NHSL2: variants seen among roughly 807,000 people sequenced by gnomAD.
NHSL2 encodes NHS like 2.
In NHSL2, 27 loss-of-function variants were observed where a neutral mutation model predicts 53.4. That is an observed-to-expected ratio of 0.51 (90% CI 0.37 to 0.70). The LOEUF (loss-of-function observed/expected upper bound fraction) is 0.70. NHSL2 is among the 30% of genes least tolerant of loss of function. The probability of loss-of-function intolerance (pLI) is 0.00; values close to 1 mark genes in which losing one functional copy is unlikely to be tolerated. For synonymous variants in NHSL2, 408 were observed against 404.1 expected, an observed-to-expected ratio of 1.01 and a Z score of -0.12; for missense variants, 892 against 980.1, an observed-to-expected ratio of 0.91 and a Z score of 1.20.
chrX:72,003,764 A>G (rs1360027781), intron 1 of NHSL2, among the ~76,000 whole-genome samples: 1 of 111,778 alleles, frequency 8.9e-6, no homozygotes, highest in African/African-American at 3.3e-5. Context: ...CGGGCCTGAC[A>G]GACCCTATGC....
rs751212612 is a variant in NHSL2, at chrX:72,149,135, C to T, written c.*5561C>T. 1 of 109,412 alleles carries T rather than the reference C, an allele frequency of 9.1e-6. No homozygotes were observed. The highest frequency in any genetic ancestry group is 4.0e-4 in the South Asian group (1 of 2,517). 9.0% of individuals were successfully genotyped at this position (109,412 alleles called of 1,213,427 possible). On this transcript the variant is annotated 3_prime_UTR_variant, in exon 8 of 8. Coordinates refer to ENST00000633930, the MANE Select transcript of NHSL2 (RefSeq NM_001013627.3). ...TTAAAAAGAACTTATCATATTGGAT[C>T]AACAAATTGCTCAACCTGCAAAATC...
At chrX:72,052,534 C>A (rs2042346835) in intron 1 of NHSL2, among the ~76,000 whole-genome samples, 1 of 112,484 alleles carries the variant, frequency 8.9e-6, no homozygotes, top group Non-Finnish European at 1.9e-5. Context: ...AGGGTCTCAA[C>A]TGAAAGAGAT....
intron 1 of NHSL2, among the ~76,000 whole-genome samples, chrX:72,102,373 AGCAT>A (rs900952175): frequency 8.9e-5 from 10 of 112,013 alleles, no homozygotes; most frequent in Admixed American, 8.5e-4. Flanking sequence ...GAGAACCAAG[AGCAT>A]GAGAGTTGGC....
chrX:72,040,835 A>G (rs779841231), intron 1 of NHSL2, among the ~76,000 whole-genome samples: 22 of 112,478 alleles, frequency 2.0e-4, no homozygotes, highest in Non-Finnish European at 3.9e-4. Context: ...TGTATCACTT[A>G]CTCAACAAGC....
At chrX:72,105,103 T>C (rs2042026857) in intron 1 of NHSL2, among the ~76,000 whole-genome samples, 1 of 110,610 alleles carries the variant, frequency 9.0e-6, no homozygotes, top group African/African-American at 3.3e-5. Flanking sequence ...TGGCCCCAGT[T>C]GAGGCCAGGC....
intron 1 of NHSL2, among the ~76,000 whole-genome samples, chrX:71,964,031 A>ATATATATGTATATATATATATG (rs1569467132): frequency 2.5e-5 from 1 of 40,252 alleles, no homozygotes; most frequent in African/African-American, 1.5e-4. Flanking sequence ...ATATGTGTAT[A>ATATATATGTATATATATATATG]TATATATATA....
intron 1 of NHSL2, among the ~76,000 whole-genome samples, chrX:72,054,831 C>T (rs1171287015): frequency 9.0e-6 from 1 of 111,351 alleles, no homozygotes; most frequent in Admixed American, 9.5e-5. Context: ...CTTTTGGGAT[C>T]CCCTTTTCTA....
At chrX:72,104,548 C>T (rs1243412628) in intron 1 of NHSL2, among the ~76,000 whole-genome samples, 1 of 111,723 alleles carries the variant, frequency 9.0e-6, no homozygotes. Flanking sequence ...GTGTTCTGCT[C>T]ACATTGAGGG....
intron 1 of NHSL2, among the ~76,000 whole-genome samples, chrX:72,058,834 T>C (rs1413472351): frequency 8.9e-6 from 1 of 111,971 alleles, no homozygotes; most frequent in Non-Finnish European, 1.9e-5. Flanking sequence ...AGTGATTTGG[T>C]CTGCATGTCA....
At chrX:71,985,717 A>G (rs1464875531) in intron 1 of NHSL2, among the ~76,000 whole-genome samples, 2 of 112,769 alleles carry the variant, frequency 1.8e-5, no homozygotes, top group East Asian at 2.8e-4. Flanking sequence ...TCAGTCTTCT[A>G]TTAGGTCAGT....
chrX:71,920,948 GTACC>G (rs2041654628), intron 1 of NHSL2, among the ~76,000 whole-genome samples: 2 of 108,786 alleles, frequency 1.8e-5, no homozygotes, highest in Non-Finnish European at 3.8e-5. Flanking sequence ...GGGATTACAG[GTACC>G]CGCCACCATG....
At chrX:72,081,560 C>G (rs1440219953) in intron 1 of NHSL2, among the ~76,000 whole-genome samples, 1 of 111,484 alleles carries the variant, frequency 9.0e-6, no homozygotes, top group Non-Finnish European at 1.9e-5. Flanking sequence ...GGTTTGGCCT[C>G]CCTCATCTCT....
intron 1 of NHSL2, among the ~76,000 whole-genome samples, chrX:71,984,761 G>A (rs1055539400): frequency 6.3e-5 from 7 of 111,456 alleles, no homozygotes; most frequent in African/African-American, 2.3e-4. Flanking sequence ...ATAAAGTGCA[G>A]CAAGAATAAT....
At chrX:72,131,954 G>T in intron 1 of NHSL2, 125 bp from the exon 2 acceptor site, 1 of 630,644 alleles carries the variant, frequency 1.6e-6, no homozygotes, top group South Asian at 2.7e-5. Flanking sequence ...CCTTTTAAGC[G>T]CAGCCTCGCA....
intron 1 of NHSL2, among the ~76,000 whole-genome samples, chrX:71,972,477 T>C (rs1199625518): frequency 8.9e-6 from 1 of 112,704 alleles, no homozygotes; most frequent in East Asian, 2.8e-4. Flanking sequence ...AGTTAGCTGT[T>C]AATCTTATTG....
chrX:72,044,571 T>A, intron 1 of NHSL2: 2 of 953,543 alleles, frequency 2.1e-6, no homozygotes, highest in Non-Finnish European at 3.0e-6. Context: ...GGAACAACAG[T>A]CATGCCAAAA....
rs2147534438 is a variant in NHSL2, at chrX:72,144,363, G to A, written c.*789G>A. On this transcript the variant is annotated 3_prime_UTR_variant, in exon 8 of 8. Coordinates refer to ENST00000633930, the MANE Select transcript of NHSL2 (RefSeq NM_001013627.3). ...CATTTGTTCACTCAGATCTAGCCGA[G>A]GTAACTCACAAGTGCACCTTGAGAT... The A allele has an allele frequency of 3.0e-6, 1 of 332,799 alleles. No homozygotes were observed. Among genetic ancestry groups the A allele is most frequent in the East Asian group, 8.9e-5 (1 of 11,175 alleles). The allele number at this position is 332,799 out of a possible 1,213,427, so 27.4% of individuals were successfully genotyped here.
intron 1 of NHSL2, among the ~76,000 whole-genome samples, chrX:71,916,040 T>C (rs1246314267): frequency 9.0e-6 from 1 of 111,718 alleles, no homozygotes; most frequent in Non-Finnish European, 1.9e-5. Context: ...CTTCTTTGAA[T>C]GGAAAATTGC....
chrX:72,037,433 G>GA (rs1189526357), intron 1 of NHSL2, among the ~76,000 whole-genome samples: 23 of 107,872 alleles, frequency 2.1e-4, no homozygotes, highest in Middle Eastern at 4.7e-3. Context: ...AAAAAAAAAA[G>GA]AAAAAAAAAC....
Sources: gnomAD v4.1 joint callset for allele counts (sites outside exome capture counted in the v4.1 genomes callset) on GRCh38, gnomAD v4.1.1 for gene constraint, MANE v1.5 for transcripts, NCBI Gene and HGNC (gene_info 2026-07-23, HGNC 2026-07-21) for gene names.